PCED1B: variants seen among roughly 807,000 people sequenced by gnomAD.
PCED1B encodes PC-esterase domain containing 1B, also known as PC-esterase domain-containing protein 1B.
For synonymous variants in PCED1B, 251 were observed against 246.1 expected (o/e 1.02, Z -0.19); for missense variants, 573 against 573.9 (o/e 1.00, Z 0.02).
At chr12:47,213,807 T>C (rs2137783977) in intron 2 of PCED1B, among the ~76,000 whole-genome samples, 1 of 152,308 alleles carries the variant, frequency 6.6e-6, no homozygotes, top group African/African-American at 2.4e-5. Context: ...ATAGTAGCTG[T>C]CTACATAGAG....
intron 2 of PCED1B, among the ~76,000 whole-genome samples, chr12:47,113,366 A>G (rs1939281566): frequency 6.6e-6 from 1 of 152,206 alleles, no homozygotes; most frequent in Non-Finnish European, 1.5e-5. Flanking sequence ...GGCAGCTTAC[A>G]TACATGATTT....
intron 2 of PCED1B, among the ~76,000 whole-genome samples, chr12:47,186,737 C>G (rs1942281309): frequency 6.6e-6 from 1 of 152,154 alleles, no homozygotes; most frequent in African/African-American, 2.4e-5. Flanking sequence ...TTATTTCAGT[C>G]TGAGGGCCTT....
chr12:47,119,701 G>T (rs929292828), intron 2 of PCED1B, among the ~76,000 whole-genome samples: 1 of 151,992 alleles, frequency 6.6e-6, no homozygotes, highest in Non-Finnish European at 1.5e-5. Context: ...AGATTAGGCC[G>T]GGCGTGGTGG....
chr12:47,202,491 G>A (rs1420644940), intron 2 of PCED1B, among the ~76,000 whole-genome samples: 1 of 148,784 alleles, frequency 6.7e-6, no homozygotes, highest in Non-Finnish European at 1.5e-5. Flanking sequence ...AGTCCTCACT[G>A]CTCACATGTC....
intron 3 of PCED1B, among the ~76,000 whole-genome samples, chr12:47,231,613 G>T (rs1230824210): frequency 1.3e-5 from 2 of 152,068 alleles, no homozygotes; most frequent in African/African-American, 4.8e-5. Context: ...AAGCATCTTC[G>T]CTCAAAAATA....
rs147542153 is a variant in PCED1B, at chr12:47,195,149, C to T, written c.-525-21073C>T. Among the ~76,000 whole-genome samples, 46 of 151,858 alleles carry T rather than the reference C, an allele frequency of 3.0e-4. No individual in the cohort carries two copies. The East Asian group carries it at 8.7e-3, about 29-fold the overall frequency. ...TTCGAGACCAGCCTGACCAACAAGG[C>T]GAAATTCCGTCTCTTCTAAAAATAC... On this transcript the variant is annotated intron_variant, in intron 2 of 3. Coordinates refer to ENST00000546455, the MANE Select transcript of PCED1B (RefSeq NM_138371.3).
chr12:47,087,713 G>T (rs1299937667), intron 1 of PCED1B, among the ~76,000 whole-genome samples: 4 of 152,262 alleles, frequency 2.6e-5, no homozygotes, highest in East Asian at 3.9e-4. Context: ...TACTCATTTT[G>T]TTGGAAAAGT....
chr12:47,139,599 G>T (rs1183515094), intron 2 of PCED1B, among the ~76,000 whole-genome samples: 1 of 152,120 alleles, frequency 6.6e-6, no homozygotes, highest in Non-Finnish European at 1.5e-5. Flanking sequence ...CCAGTGGCCA[G>T]ATCATGTGGG....
At chr12:47,227,576 A>G (rs949640675) in intron 3 of PCED1B, among the ~76,000 whole-genome samples, 1 of 151,994 alleles carries the variant, frequency 6.6e-6, no homozygotes, top group Non-Finnish European at 1.5e-5. Context: ...TAATAAGGCC[A>G]GGCACAGTGG....
chr12:47,122,931 C>T (rs1188634212), intron 2 of PCED1B, among the ~76,000 whole-genome samples: 1 of 152,130 alleles, frequency 6.6e-6, no homozygotes, highest in Non-Finnish European at 1.5e-5. Context: ...AAACAAAAAC[C>T]ATCAGCTCAT....
At chr12:47,124,444 G>GT (rs141720666) in intron 2 of PCED1B, among the ~76,000 whole-genome samples, 3,494 of 149,016 alleles carry the variant, frequency 0.023, 110 homozygotes, top group East Asian at 0.078. Flanking sequence ...GTGTTTTTCT[G>GT]TTTTTTTGCT....
chr12:47,103,104 T>TA (rs11450661), intron 1 of PCED1B, among the ~76,000 whole-genome samples: 404 of 150,608 alleles, frequency 2.7e-3, no homozygotes, highest in Non-Finnish European at 4.0e-3. Flanking sequence ...AACAGAGTTT[T>TA]AAAAAAAAAA....
chr12:47,154,782 T>C (rs1480874511), intron 2 of PCED1B, among the ~76,000 whole-genome samples: 1 of 43,714 alleles, frequency 2.3e-5, no homozygotes, highest in African/African-American at 2.5e-4. Flanking sequence ...TGTGTGCATG[T>C]GTGTGTGTGT....
intron 1 of PCED1B, among the ~76,000 whole-genome samples, chr12:47,085,721 AGT>A (rs932320781): frequency 6.6e-6 from 1 of 152,230 alleles, no homozygotes; most frequent in Non-Finnish European, 1.5e-5. Context: ...GTGCCATAAC[AGT>A]GTTTCTTTTA....
Position 47,135,195 on chromosome 12 carries a change from T to C in PCED1B, c.-526+31000T>C, listed in dbSNP as rs191675861. ...GTGAACTTCCATCACTATATTCCTA[T>C]AGTAAATTTCATACAATGGGCTTGC... On this transcript the variant is annotated intron_variant, in intron 2 of 3. Transcript: ENST00000546455. Among the ~76,000 whole-genome samples, 137 of 152,348 alleles carry C rather than the reference T, an allele frequency of 9.0e-4. 1 individual carries two copies. The highest frequency in any genetic ancestry group is 1.9e-4 in the East Asian group (1 of 5,190).
intron 2 of PCED1B, among the ~76,000 whole-genome samples, chr12:47,122,236 T>G (rs957033755): frequency 6.6e-6 from 1 of 151,918 alleles, no homozygotes; most frequent in African/African-American, 2.4e-5. Context: ...TGTTGGAGAA[T>G]GTGTATACAA....
intron 1 of PCED1B, among the ~76,000 whole-genome samples, chr12:47,080,717 G>C (rs967135896): frequency 6.6e-6 from 1 of 152,164 alleles, no homozygotes; most frequent in African/African-American, 2.4e-5. Flanking sequence ...GCAAAGATAA[G>C]AGTATTAACC....
chr12:47,107,179 T>C (rs1035511289), intron 2 of PCED1B, among the ~76,000 whole-genome samples: 2 of 152,222 alleles, frequency 1.3e-5, no homozygotes, highest in African/African-American at 4.8e-5. Flanking sequence ...TGTTGATTCA[T>C]GTTCATGAAA....
rs928799408 is a variant in PCED1B at position 47,082,386 on chromosome 12, A to T, written c.-609+2661A>T. 1.8e-4 allele frequency among the ~76,000 whole-genome samples: 26 copies of T among 146,936 alleles called. 1 individual carries two copies. The highest frequency in any genetic ancestry group is 2.9e-4 in the Non-Finnish European group (20 of 67,980). ...CTTTTATGCTTTGAAAGCTTGTCTT[A>T]AAAAAAAGGAGAAGAAAGAGAAAGA... On this transcript the variant is annotated intron_variant, in intron 1 of 3. Coordinates refer to ENST00000546455, the MANE Select transcript of PCED1B (RefSeq NM_138371.3).
Sources: allele counts gnomAD v4.1 joint callset (sites outside exome capture counted in the v4.1 genomes callset), GRCh38; gene constraint gnomAD v4.1.1; transcripts MANE v1.5; gene names NCBI Gene and HGNC (gene_info 2026-07-23, HGNC 2026-07-21).